ADGRL2: variants seen among roughly 807,000 people sequenced by gnomAD.
ADGRL2 encodes the protein adhesion G protein-coupled receptor L2.
A neutral mutation model predicts 157.4 loss-of-function variants in ADGRL2; 44 were observed. The ratio of observed to expected loss-of-function variants is 0.28; its 90% CI spans 0.22 to 0.36. The LOEUF (loss-of-function observed/expected upper bound fraction) is 0.36, where lower values mean the gene tolerates loss of function less well. Among genes scored for constraint, ADGRL2 ranks in the 10% least tolerant of loss-of-function variants. The pLI is 1.00. For synonymous variants in ADGRL2, 585 were observed against 624.7 expected, an observed-to-expected ratio of 0.94 and a Z score of 0.95; for missense variants, 1,510 against 1,768.9, an observed-to-expected ratio of 0.85 and a Z score of 2.63.
At chr1:81,415,565 T>C (rs2077018367) in intron 1 of ADGRL2, among the ~76,000 whole-genome samples, 1 of 152,144 alleles carries the variant, frequency 6.6e-6, no homozygotes, top group Non-Finnish European at 1.5e-5. Flanking sequence ...AAGAGTTGAG[T>C]ACATGCTTTT....
chr1:81,627,470 C>G (rs552051725), intron 3 of ADGRL2, among the ~76,000 whole-genome samples: 32 of 152,228 alleles, frequency 2.1e-4, no homozygotes, highest in African/African-American at 7.0e-4. Flanking sequence ...CTAATAATAG[C>G]TATCATTTAC....
intron 1 of ADGRL2, among the ~76,000 whole-genome samples, chr1:81,827,746 G>C (rs11163385): frequency 0.032 from 4,905 of 151,892 alleles, 188 homozygotes; most frequent in Admixed American, 0.12. Flanking sequence ...TGCATTTTTA[G>C]TAGAGATGGG....
chr1:81,417,416 C>T (rs979747612), intron 1 of ADGRL2, among the ~76,000 whole-genome samples: 1 of 151,974 alleles, frequency 6.6e-6, no homozygotes, highest in Admixed American at 6.6e-5. Flanking sequence ...TATAATTTTT[C>T]CTTCAAAATA....
chr1:81,370,227 C>G (rs1557635002), intron 1 of ADGRL2, among the ~76,000 whole-genome samples: 1 of 151,820 alleles, frequency 6.6e-6, no homozygotes, highest in African/African-American at 2.4e-5. Flanking sequence ...GATTTTTTAC[C>G]TTTTTTATAG....
intron 1 of ADGRL2, among the ~76,000 whole-genome samples, chr1:81,835,411 C>T (rs2092220302): frequency 6.6e-6 from 1 of 152,088 alleles, no homozygotes; most frequent in Non-Finnish European, 1.5e-5. Flanking sequence ...TTTTAAAATG[C>T]TTTATGTAGA....
chr1:81,365,408 A>G (rs1017494996), intron 1 of ADGRL2, among the ~76,000 whole-genome samples: 8 of 152,186 alleles, frequency 5.3e-5, no homozygotes, highest in African/African-American at 1.9e-4. Context: ...TCATTCACAT[A>G]AAGTATAATA....
At chr1:81,605,400 T>C (rs974608565) in intron 3 of ADGRL2, among the ~76,000 whole-genome samples, 1 of 152,112 alleles carries the variant, frequency 6.6e-6, no homozygotes, top group African/African-American at 2.4e-5. Flanking sequence ...ACAATTATAA[T>C]AGTTATAGTA....
In ADGRL2 at chr1:81,991,099, AAGG is replaced by A. The variant is rs1558066782; in HGVS notation, c.4367_4369del (p.Gly1456del). Reference sequence around the variant, plus strand: ...ATTAACAAAGAAGGGTGTATTCCAGAAGGAGATGTTAGAGAAGGACAAATGCAG... The same window carrying A: ...ATTAACAAAGAAGGGTGTATTCCAGAAGATGTTAGAGAAGGACAAATGCAG... On this transcript the variant is annotated inframe_deletion, in exon 24 of 24. Transcript: ENST00000686636. 6.2e-7 allele frequency: 1 copy of A among 1,611,642 alleles called. No homozygotes were observed. Among genetic ancestry groups the A allele is most frequent in the East Asian group, 2.2e-5 (1 of 44,790 alleles).
intron 1 of ADGRL2, among the ~76,000 whole-genome samples, chr1:81,835,534 C>G (rs2092231398): frequency 6.6e-6 from 1 of 152,128 alleles, no homozygotes; most frequent in South Asian, 2.1e-4. Flanking sequence ...GAAAAATGTA[C>G]AGAGCCAGCC....
intron 2 of ADGRL2, among the ~76,000 whole-genome samples, chr1:81,871,076 C>G: frequency 9.9e-6 from 1 of 101,418 alleles, no homozygotes; most frequent in Admixed American, 1.3e-4. Context: ...CTAATGCTAT[C>G]CCTCCCCCCT....
At position 81,987,039 on chromosome 1, in the gene ADGRL2, A is replaced by G. The variant is rs1663360106; in HGVS notation, c.3637+10A>G. On this transcript the variant is annotated intron_variant, in intron 22 of 23. Transcript: ENST00000686636. Reference sequence around the variant, plus strand: ...GTATTTAACTCACCAGGTGTGCTTTACTTACAAATAAAACTACCTTTCTTT... The same window carrying G: ...GTATTTAACTCACCAGGTGTGCTTTGCTTACAAATAAAACTACCTTTCTTT... 1 of 1,607,312 alleles carries G rather than the reference A, an allele frequency of 6.2e-7. No homozygotes were observed. The highest frequency in any genetic ancestry group is 1.1e-5 in the South Asian group (1 of 89,250).
At chr1:81,394,879 T>TTTTA (rs57145205) in intron 1 of ADGRL2, among the ~76,000 whole-genome samples, 1,638 of 143,268 alleles carry the variant, frequency 0.011, 12 homozygotes, top group African/African-American at 0.017. Context: ...TGTCTCTCTT[T>TTTTA]TTTATTTATT....
At chr1:81,557,401 CAGAA>C (rs1455245414) in intron 2 of ADGRL2, 2 of 147,142 alleles carry the variant, frequency 1.4e-5, no homozygotes, top group African/African-American at 5.3e-5. Flanking sequence ...GCAAGACAGA[CAGAA>C]AGAGAGAGAG....
At chr1:81,684,208 C>T (rs1042653887) in intron 3 of ADGRL2, among the ~76,000 whole-genome samples, 1 of 152,210 alleles carries the variant, frequency 6.6e-6, no homozygotes, top group Non-Finnish European at 1.5e-5. Context: ...GGAATCTCCA[C>T]TCTGTTTTCC....
At chr1:81,542,438 T>C (rs371289903) in intron 2 of ADGRL2, among the ~76,000 whole-genome samples, 6 of 152,352 alleles carry the variant, frequency 3.9e-5, no homozygotes, top group African/African-American at 1.4e-4. Context: ...TAACTGGGCA[T>C]GCTTCTGAAC....
intron 1 of ADGRL2, among the ~76,000 whole-genome samples, chr1:81,805,709 T>C (rs2089026195): frequency 1.3e-5 from 2 of 148,916 alleles, no homozygotes; most frequent in Admixed American, 6.7e-5. Context: ...CCTTCACTTG[T>C]CTAGGAAGTA....
intron 2 of ADGRL2, among the ~76,000 whole-genome samples, chr1:81,561,442 T>G (rs1380760467): frequency 1.4e-5 from 2 of 142,748 alleles, no homozygotes; most frequent in East Asian, 2.0e-4. Flanking sequence ...TTTTGTTCTG[T>G]TTTTTTTTGT....
intron 3 of ADGRL2, among the ~76,000 whole-genome samples, chr1:81,687,241 T>C (rs147172295): frequency 6.6e-6 from 1 of 152,198 alleles, no homozygotes; most frequent in East Asian, 1.9e-4. Flanking sequence ...AGTGCTGTAC[T>C]GAAGTCCCCC....
At chr1:81,519,185 A>T (rs918937577) in intron 2 of ADGRL2, among the ~76,000 whole-genome samples, 3 of 152,194 alleles carry the variant, frequency 2.0e-5, no homozygotes, top group African/African-American at 7.2e-5. Context: ...TGCCACATTG[A>T]CATATTTGGA....
Sources: allele counts gnomAD v4.1 joint callset (sites outside exome capture counted in the v4.1 genomes callset), GRCh38; gene constraint gnomAD v4.1.1; transcripts MANE v1.5; gene names NCBI Gene and HGNC (gene_info 2026-07-23, HGNC 2026-07-21).